IL12RB2: variants seen among roughly 807,000 people sequenced by gnomAD.
IL12RB2 encodes the protein interleukin 12 receptor subunit beta 2.
A neutral mutation model predicts 89.4 loss-of-function variants in IL12RB2; 82 were observed. That is an observed-to-expected ratio of 0.92 (90% CI 0.77 to 1.10). The LOEUF is 1.10. Among genes scored for constraint, IL12RB2 ranks in the 50% least tolerant of loss-of-function variants. The pLI is 0.00. For missense variants in IL12RB2, 963 were observed against 1,031.9 expected, an observed-to-expected ratio of 0.93 and a Z score of 0.92; for synonymous variants, 368 against 370.1, an observed-to-expected ratio of 0.99 and a Z score of 0.07.
At chr1:67,332,789 T>TATC (rs1658267153) in intron 8 of IL12RB2, among the ~76,000 whole-genome samples, 1 of 152,238 alleles carries the variant, frequency 6.6e-6, no homozygotes, top group African/African-American at 2.4e-5. Context: ...ATTTAAGTTA[T>TATC]ATCACATTAA....
In IL12RB2 at chr1:67,398,269, C is replaced by T. The variant is rs1268018451; in HGVS notation, c.*2180C>T. ...ACAGACAAGGCCACCTCCTCAGAAGCGGAACAACCTATTATCTTTTGGCAA... is the reference window on the plus strand; with the variant it reads ...ACAGACAAGGCCACCTCCTCAGAAGTGGAACAACCTATTATCTTTTGGCAA... On this transcript the variant is annotated 3_prime_UTR_variant, in exon 17 of 17. Coordinates refer to ENST00000674203, the MANE Select transcript of IL12RB2 (RefSeq NM_001374259.2). Among the ~76,000 whole-genome samples, 3 of 152,054 alleles carry T rather than the reference C, an allele frequency of 2.0e-5. No homozygotes were observed. Among genetic ancestry groups the T allele is most frequent in the South Asian group, 2.1e-4 (1 of 4,826 alleles).
chr1:67,388,417 C>T (rs193107428), intron 15 of IL12RB2, among the ~76,000 whole-genome samples: 4 of 152,136 alleles, frequency 2.6e-5, no homozygotes, highest in African/African-American at 9.7e-5. Context: ...ATGATCTTGG[C>T]TCACTGCAGC....
intron 8 of IL12RB2, among the ~76,000 whole-genome samples, chr1:67,338,336 CAAAAAAAAAAAAAAAAAAAAAA>C (rs572505092): frequency 4.7e-4 from 19 of 40,112 alleles, no homozygotes; most frequent in African/African-American, 1.1e-3. Context: ...GATCCTGTCT[CAAAAAAAAAAAAAAAAAAAAAA>C]AAAAAAAAAA....
rs141228700 is a variant in IL12RB2, at chr1:67,338,540, T to C, written c.959-84T>C. ...TTGAAGTTATCCTCTAATTCTACTCTTCCAGAATTGTTTACTGAATGACCA... is the reference window on the plus strand; with the variant it reads ...TTGAAGTTATCCTCTAATTCTACTCCTCCAGAATTGTTTACTGAATGACCA... On this transcript the variant is annotated intron_variant, in intron 8 of 16. Coordinates refer to ENST00000674203, the MANE Select transcript of IL12RB2 (RefSeq NM_001374259.2). 205 of 771,082 alleles carry C rather than the reference T, an allele frequency of 2.7e-4. No individual in the cohort carries two copies. In the African/African-American group the frequency reaches 3.3e-3, roughly 12 times the overall value. The allele number at this position is 771,082 out of a possible 1,614,324, so 47.8% of individuals were successfully genotyped here.
At chr1:67,326,683 G>C (rs1274503650) in intron 4 of IL12RB2, 52 bp from the exon 5 acceptor site, 12 of 1,597,080 alleles carry the variant, frequency 7.5e-6, no homozygotes, top group Non-Finnish European at 9.4e-6. Context: ...ATAACAATTC[G>C]GTTGAAATAT....
At chr1:67,368,117 T>C (rs1362764294) in intron 11 of IL12RB2, 92 bp downstream of exon 11, 1 of 790,946 alleles carries the variant, frequency 1.3e-6, no homozygotes, top group Non-Finnish European at 2.2e-6. Flanking sequence ...TGCCTTCAAT[T>C]ACAGGTGGCT....
intron 16 of IL12RB2, among the ~76,000 whole-genome samples, chr1:67,393,794 G>A (rs908134629): frequency 2.6e-5 from 4 of 152,208 alleles, no homozygotes; most frequent in African/African-American, 9.6e-5. Flanking sequence ...AGATCCCAGA[G>A]AGGTTGGTTG....
At chr1:67,347,145 A>G in intron 9 of IL12RB2, among the ~76,000 whole-genome samples, 1 of 152,220 alleles carries the variant, frequency 6.6e-6, no homozygotes, top group East Asian at 1.9e-4. Context: ...TAGAGCAAGG[A>G]AGCAAAGGAT....
intron 10 of IL12RB2, among the ~76,000 whole-genome samples, chr1:67,358,254 T>G (rs1661612769): frequency 6.6e-6 from 1 of 152,226 alleles, no homozygotes; most frequent in Non-Finnish European, 1.5e-5. Context: ...TCTGGAAATG[T>G]TTCTCCAGCT....
intron 11 of IL12RB2, among the ~76,000 whole-genome samples, chr1:67,372,170 T>C (rs1159571682): frequency 6.6e-6 from 1 of 152,132 alleles, no homozygotes; most frequent in Non-Finnish European, 1.5e-5. Context: ...CCTGTTTGTT[T>C]ATATGGAAAG....
rs201325852 is a variant in IL12RB2, at chr1:67,321,735, G to A, written c.210G>A (p.Leu70=). ...FHYSRRNKLI[L]YKFDRRINFH... ...ATTCCAGACGTAACAAGTTAATCCT[G>A]TACAAGTTTGACAGAAGAATCAATT... The change falls in exon 4 of 17, where the codon CTG becomes CTA. Residue 70 remains leucine, a synonymous_variant. Coordinates refer to ENST00000674203, the MANE Select transcript of IL12RB2 (RefSeq NM_001374259.2). The A allele has an allele frequency of 2.5e-6, 4 of 1,612,844 alleles. No homozygotes were observed. The highest frequency in any genetic ancestry group is 1.7e-5 in the Admixed American group (1 of 60,016).
At chr1:67,373,148 G>T (rs1256507199) in intron 13 of IL12RB2, among the ~76,000 whole-genome samples, 1 of 152,152 alleles carries the variant, frequency 6.6e-6, no homozygotes, top group African/African-American at 2.4e-5. Context: ...TCACTCTGTT[G>T]CCCAGGCTGA....
chr1:67,390,116 TC>T lies in IL12RB2; in HGVS notation c.2037del (p.Ile680LeufsTer14). 3.4e-6 allele frequency: 4 copies of T among 1,191,998 alleles called. No homozygotes were observed. The highest frequency in any genetic ancestry group is 5.0e-6 in the Non-Finnish European group (4 of 793,896). The allele number at this position is 1,191,998 out of a possible 1,614,324, so 73.8% of individuals were successfully genotyped here. On this transcript the variant is annotated frameshift_variant, in exon 16 of 17. Coordinates refer to ENST00000674203, the MANE Select transcript of IL12RB2 (RefSeq NM_001374259.2). LOFTEE classifies it low-confidence loss of function (END_TRUNC). ...PANSTCAKKYPIAEEKTQLPL... is the reference protein window; with the variant it reads ...PANSTCAKKYXIAEEKTQLPL... ...CAAATAGCACTTGCGCTAAGAAATA[TC>T]CCATTGCAGAGGTAAGGTACAATTC...
intron 8 of IL12RB2, among the ~76,000 whole-genome samples, chr1:67,335,302 A>G (rs1054681088): frequency 6.6e-6 from 1 of 152,218 alleles, no homozygotes; most frequent in Non-Finnish European, 1.5e-5. Context: ...AGCGGGGTCC[A>G]GAACTCTAGC....
intron 15 of IL12RB2, among the ~76,000 whole-genome samples, chr1:67,388,718 A>C (rs1382972867): frequency 6.6e-6 from 1 of 152,158 alleles, no homozygotes; most frequent in Non-Finnish European, 1.5e-5. Flanking sequence ...GTTTAATTAT[A>C]TTTTTAGAAT....
intron 8 of IL12RB2, among the ~76,000 whole-genome samples, chr1:67,334,610 C>G (rs1658520343): frequency 7.3e-6 from 1 of 137,650 alleles, no homozygotes; most frequent in Admixed American, 7.4e-5. Flanking sequence ...TCCCGAGTAG[C>G]TGGGACTACA....
chr1:67,381,773 A>C, intron 14 of IL12RB2, among the ~76,000 whole-genome samples: 1 of 75,872 alleles, frequency 1.3e-5, no homozygotes, highest in African/African-American at 5.4e-5. Flanking sequence ...TTCAAAAAAA[A>C]AAAAAAAAAA....
intron 9 of IL12RB2, among the ~76,000 whole-genome samples, chr1:67,342,277 C>T (rs939679540): frequency 2.6e-5 from 4 of 151,536 alleles, no homozygotes; most frequent in Admixed American, 6.6e-5. Flanking sequence ...ATGCAAGAAA[C>T]GCCCACCACT....
At chr1:67,381,184 G>T (rs530427582) in intron 14 of IL12RB2, among the ~76,000 whole-genome samples, 8 of 152,314 alleles carry the variant, frequency 5.3e-5, no homozygotes, top group Admixed American at 1.3e-4. Context: ...CATGGAAGTG[G>T]TAAGTGGCAG....
Sources: allele counts gnomAD v4.1 joint callset (sites outside exome capture counted in the v4.1 genomes callset), GRCh38; gene constraint gnomAD v4.1.1; transcripts MANE v1.5; gene names NCBI Gene and HGNC (gene_info 2026-07-23, HGNC 2026-07-21).